Variants in EYS observed in about 807,000 individuals in gnomAD.
EYS encodes the protein EGF-like photoreceptor maintenance factor, also known as protein eyes shut homolog.
EYS carries 250 observed loss-of-function variants against 282.1 expected under a neutral mutation model. The observed-to-expected ratio is 0.89, with a 90% CI of 0.80 to 0.98. The LOEUF (loss-of-function observed/expected upper bound fraction) is 0.98. EYS is among the 50% of genes least tolerant of loss of function. The pLI is 0.00. For synonymous variants in EYS, 1,355 were observed against 1,282.9 expected, an observed-to-expected ratio of 1.06 and a Z score of -1.20; for missense variants, 4,016 against 3,709.0, an observed-to-expected ratio of 1.08 and a Z score of -2.15.
At chr6:64,212,031 G>A (rs544153362) in intron 31 of EYS, among the ~76,000 whole-genome samples, 4 of 152,040 alleles carry the variant, frequency 2.6e-5, no homozygotes, top group African/African-American at 4.8e-5. Flanking sequence ...CAGGAGAACC[G>A]CTTGAACCCA....
At chr6:65,522,550 G>T (rs961753312) in intron 2 of EYS, among the ~76,000 whole-genome samples, 7 of 151,980 alleles carry the variant, frequency 4.6e-5, no homozygotes, top group African/African-American at 1.7e-4. Flanking sequence ...TCCAGGCTGG[G>T]GTGTTAGTGT....
At chr6:63,831,341 A>T (rs1391349308) in intron 36 of EYS, among the ~76,000 whole-genome samples, 1 of 152,256 alleles carries the variant, frequency 6.6e-6, no homozygotes, top group East Asian at 1.9e-4. Context: ...GCAGAGACAC[A>T]CATAAGCTCA....
intron 22 of EYS, among the ~76,000 whole-genome samples, chr6:64,668,830 G>A (rs1769333202): frequency 6.6e-6 from 1 of 151,848 alleles, no homozygotes; most frequent in Admixed American, 6.6e-5. Context: ...GCCTCCCAAA[G>A]TGCTGGTATT....
In EYS at chr6:64,442,495, C is replaced by T. The variant is rs576722952; in HGVS notation, c.5645-3143G>A. Among the ~76,000 whole-genome samples, 7 of 152,298 alleles carry T rather than the reference C, an allele frequency of 4.6e-5. 1 individual carries two copies. Among genetic ancestry groups the T allele is most frequent in the Admixed American group, 4.6e-4 (7 of 15,300 alleles). ...TAATGAGAAGCCAAATGTTAATCCCCCAAGATAATGGGGAAAATATCTCCA... is the reference window on the plus strand; with the variant it reads ...TAATGAGAAGCCAAATGTTAATCCCTCAAGATAATGGGGAAAATATCTCCA... On this transcript the variant is annotated intron_variant, in intron 26 of 42. Coordinates refer to ENST00000503581, the MANE Select transcript of EYS (RefSeq NM_001142800.2).
chr6:64,183,357 G>A (rs1158471718), intron 31 of EYS, among the ~76,000 whole-genome samples: 4 of 152,154 alleles, frequency 2.6e-5, no homozygotes, highest in Non-Finnish European at 5.9e-5. Flanking sequence ...TCATGTGTGT[G>A]CCCTTCTCTA....
intron 26 of EYS, among the ~76,000 whole-genome samples, chr6:64,491,937 A>G (rs1776753203): frequency 6.6e-6 from 1 of 151,166 alleles, no homozygotes; most frequent in Admixed American, 6.6e-5. Flanking sequence ...ACATATATTA[A>G]TCCCTTTAAT....
chr6:65,621,121 T>C (rs1426280763), intron 2 of EYS, among the ~76,000 whole-genome samples: 2 of 152,148 alleles, frequency 1.3e-5, no homozygotes, highest in South Asian at 2.1e-4. Flanking sequence ...TGACTTTCTG[T>C]CTCGTTGATC....
intron 29 of EYS, among the ~76,000 whole-genome samples, chr6:64,369,734 TG>T: frequency 6.6e-6 from 1 of 151,932 alleles, no homozygotes; most frequent in Non-Finnish European, 1.5e-5. Context: ...CCATAGTCTT[TG>T]TCCTAAAGCT....
At chr6:63,776,848 A>C (rs996750092) in intron 40 of EYS, among the ~76,000 whole-genome samples, 2 of 152,064 alleles carry the variant, frequency 1.3e-5, no homozygotes, top group African/African-American at 4.8e-5. Context: ...ACATAAAAAA[A>C]CCCCCAAAAT....
chr6:65,675,371 A>T (rs1768544142), intron 1 of EYS, among the ~76,000 whole-genome samples: 1 of 151,898 alleles, frequency 6.6e-6, no homozygotes, highest in African/African-American at 2.4e-5. Context: ...ACCCTACAAG[A>T]GACTCACTTT....
At chr6:65,481,682 G>A (rs1216541967) in intron 5 of EYS, among the ~76,000 whole-genome samples, 1 of 152,090 alleles carries the variant, frequency 6.6e-6, no homozygotes, top group Non-Finnish European at 1.5e-5. Context: ...CTGAGTAGCT[G>A]GGACTACAGG....
At chr6:65,614,606 G>A (rs567992176) in intron 2 of EYS, among the ~76,000 whole-genome samples, 1 of 152,092 alleles carries the variant, frequency 6.6e-6, no homozygotes, top group African/African-American at 2.4e-5. Context: ...GCATAAGAAT[G>A]AACTAGGTGT....
At chr6:63,814,401 C>A (rs541927885) in intron 36 of EYS, among the ~76,000 whole-genome samples, 60 of 152,238 alleles carry the variant, frequency 3.9e-4, no homozygotes, top group Admixed American at 6.5e-4. Context: ...ATCGAATTCA[C>A]CCACAGGTAT....
chr6:65,406,840 C>A lies in EYS; in HGVS notation c.863-1473G>T, dbSNP rs988296433. On this transcript the variant is annotated intron_variant, in intron 5 of 42. Transcript: ENST00000503581. ...CTTTTTATGTGCAATAACCCATTGACCAGATAAATACATAATGCATATAGC... is the reference window on the plus strand; with the variant it reads ...CTTTTTATGTGCAATAACCCATTGAACAGATAAATACATAATGCATATAGC... 4.6e-5 allele frequency among the ~76,000 whole-genome samples: 7 copies of A among 152,038 alleles called. No homozygotes were observed. The South Asian group carries it at 1.5e-3, about 32-fold the overall frequency.
chr6:65,200,929 T>C (rs910253178), intron 12 of EYS, among the ~76,000 whole-genome samples: 19 of 152,156 alleles, frequency 1.2e-4, no homozygotes, highest in Non-Finnish European at 2.5e-4. Flanking sequence ...AATAAAAATG[T>C]ATTCTAAAGA....
intron 41 of EYS, among the ~76,000 whole-genome samples, chr6:63,755,900 G>A (rs1769467966): frequency 6.6e-6 from 1 of 152,154 alleles, no homozygotes; most frequent in Non-Finnish European, 1.5e-5. Context: ...CGGCAACTGT[G>A]AATGGGAGTT....
intron 15 of EYS, among the ~76,000 whole-genome samples, chr6:64,924,098 T>A (rs1053075557): frequency 6.6e-6 from 1 of 152,150 alleles, no homozygotes; most frequent in African/African-American, 2.4e-5. Context: ...CCCCGCCCCT[T>A]CAGCAAATTT....
At chr6:64,310,059 G>GT (rs1769618357) in intron 29 of EYS, among the ~76,000 whole-genome samples, 7 of 104,352 alleles carry the variant, frequency 6.7e-5, no homozygotes, top group Admixed American at 1.7e-4. Context: ...TTTATTAAAA[G>GT]TAAAAAAAAT....
intron 35 of EYS, among the ~76,000 whole-genome samples, chr6:63,956,857 T>G (rs1490332915): frequency 6.6e-6 from 1 of 152,212 alleles, no homozygotes; most frequent in Non-Finnish European, 1.5e-5. Context: ...ACTAAAATTT[T>G]TTTTTGGCTT....
Sources: allele counts gnomAD v4.1 joint callset (sites outside exome capture counted in the v4.1 genomes callset), GRCh38; gene constraint gnomAD v4.1.1; transcripts MANE v1.5; gene names NCBI Gene and HGNC (gene_info 2026-07-23, HGNC 2026-07-21).